GRXCR1: variants seen among roughly 807,000 people sequenced by gnomAD.
GRXCR1 encodes glutaredoxin domain-containing cysteine-rich protein 1.
A neutral mutation model predicts 27.3 loss-of-function variants in GRXCR1; 27 were observed. That is an observed-to-expected ratio of 0.99 (90% CI 0.73 to 1.37). GRXCR1 has a LOEUF of 1.37. GRXCR1 is among the 40% of genes most tolerant of loss of function. GRXCR1 has a pLI of 0.00. For missense variants in GRXCR1, 379 were observed against 354.4 expected, an observed-to-expected ratio of 1.07 and a Z score of -0.56; for synonymous variants, 122 against 131.1, an observed-to-expected ratio of 0.93 and a Z score of 0.47.
chr4:42,981,371 C>G (rs976982248), intron 2 of GRXCR1, among the ~76,000 whole-genome samples: 5 of 152,050 alleles, frequency 3.3e-5, no homozygotes, highest in African/African-American at 9.7e-5. Flanking sequence ...TTTGATGTTT[C>G]AGTTTGTCTT....
chr4:43,014,333 G>T (rs1181451524), intron 2 of GRXCR1, among the ~76,000 whole-genome samples: 1 of 152,048 alleles, frequency 6.6e-6, no homozygotes, highest in African/African-American at 2.4e-5. Flanking sequence ...GGGCTCAGGT[G>T]GCCCATCTCC....
intron 2 of GRXCR1, among the ~76,000 whole-genome samples, chr4:42,985,258 A>G (rs1176138222): frequency 3.9e-5 from 6 of 152,236 alleles, no homozygotes; most frequent in Admixed American, 3.9e-4. Flanking sequence ...ATTTAAAATT[A>G]AATGTAAACC....
intron 1 of GRXCR1, among the ~76,000 whole-genome samples, chr4:42,936,741 G>C (rs1241981971): frequency 2.0e-5 from 3 of 151,766 alleles, no homozygotes; most frequent in Non-Finnish European, 4.4e-5. Context: ...GAGAGTGCTG[G>C]TCAGGTTTTT....
intron 1 of GRXCR1, among the ~76,000 whole-genome samples, chr4:42,930,479 G>C (rs1028646156): frequency 2.0e-5 from 3 of 151,932 alleles, no homozygotes; most frequent in Non-Finnish European, 4.4e-5. Context: ...CAAAATCTCT[G>C]TGTTTCCTAT....
At chr4:42,992,776 T>C (rs1410927689) in intron 2 of GRXCR1, among the ~76,000 whole-genome samples, 2 of 152,122 alleles carry the variant, frequency 1.3e-5, no homozygotes, top group African/African-American at 2.4e-5. Context: ...ATGATAAAAT[T>C]AGCATATTTG....
At chr4:42,919,065 T>TA (rs1329977234) in intron 1 of GRXCR1, among the ~76,000 whole-genome samples, 4 of 152,132 alleles carry the variant, frequency 2.6e-5, no homozygotes, top group Non-Finnish European at 5.9e-5. Context: ...TACTTTGGGT[T>TA]AAAAAAACCT....
At chr4:42,908,164 T>G (rs999534358) in intron 1 of GRXCR1, among the ~76,000 whole-genome samples, 3 of 152,222 alleles carry the variant, frequency 2.0e-5, no homozygotes, top group Non-Finnish European at 2.9e-5. Context: ...CTGTTTGTAT[T>G]GCTCACTTGA....
chr4:43,016,744 T>C (rs1712944157), intron 2 of GRXCR1, among the ~76,000 whole-genome samples: 1 of 152,134 alleles, frequency 6.6e-6, no homozygotes, highest in Non-Finnish European at 1.5e-5. Flanking sequence ...GTTGAATGAA[T>C]GGATAAATGC....
chr4:43,017,292 A>G (rs961457857), intron 2 of GRXCR1, among the ~76,000 whole-genome samples: 2 of 152,062 alleles, frequency 1.3e-5, no homozygotes, highest in East Asian at 3.9e-4. Flanking sequence ...TCTCTGTACC[A>G]TTTTTCAATA....
intron 1 of GRXCR1, among the ~76,000 whole-genome samples, chr4:42,933,890 G>C (rs1747391478): frequency 6.6e-6 from 1 of 151,854 alleles, no homozygotes; most frequent in African/African-American, 2.4e-5. Context: ...AGAAGGAGGA[G>C]CTGATGTTCT....
chr4:43,013,461 T>C (rs1350109442), intron 2 of GRXCR1, among the ~76,000 whole-genome samples: 2 of 151,960 alleles, frequency 1.3e-5, no homozygotes, highest in Non-Finnish European at 2.9e-5. Flanking sequence ...ATGGCAACAA[T>C]AGACAACTGG....
chr4:42,932,621 GA>G (rs1560654376), intron 1 of GRXCR1, among the ~76,000 whole-genome samples: 1 of 22,116 alleles, frequency 4.5e-5, no homozygotes, highest in Non-Finnish European at 8.3e-5. Flanking sequence ...TATATATATA[GA>G]GAGAGAGAGA....
intron 3 of GRXCR1, among the ~76,000 whole-genome samples, chr4:43,029,215 T>C (rs990553958): frequency 6.6e-6 from 1 of 152,206 alleles, no homozygotes; most frequent in African/African-American, 2.4e-5. Context: ...AAACTCAGTT[T>C]ATCAGGTTTC....
chr4:43,010,220 G>A (rs1285959773), intron 2 of GRXCR1, among the ~76,000 whole-genome samples: 1 of 152,058 alleles, frequency 6.6e-6, no homozygotes, highest in Non-Finnish European at 1.5e-5. Context: ...TGGCTAACAT[G>A]GTGAAACCCT....
intron 1 of GRXCR1, among the ~76,000 whole-genome samples, chr4:42,905,451 C>G (rs574352183): frequency 6.6e-6 from 1 of 152,312 alleles, no homozygotes; most frequent in South Asian, 2.1e-4. Flanking sequence ...TGCTATGAGC[C>G]ACACGGTGGA....
intron 1 of GRXCR1, among the ~76,000 whole-genome samples, chr4:42,934,004 G>C (rs1747396326): frequency 6.6e-6 from 1 of 151,848 alleles, no homozygotes; most frequent in South Asian, 2.1e-4. Flanking sequence ...CCTGGAGCAG[G>C]AGAAAACTTG....
chr4:42,962,754 AAAGGT>A, intron 1 of GRXCR1, 133 bp from the exon 2 acceptor site: 1 of 891,530 alleles, frequency 1.1e-6, no homozygotes, highest in Non-Finnish European at 1.9e-6. Flanking sequence ...TGTAACTTAA[AAAGGT>A]AAGTCTTTGA....
At chr4:42,904,601 T>C (rs1180759654) in intron 1 of GRXCR1, among the ~76,000 whole-genome samples, 4 of 152,144 alleles carry the variant, frequency 2.6e-5, no homozygotes, top group African/African-American at 9.7e-5. Flanking sequence ...ATTGGTCAAA[T>C]GGGGATAATG....
chr4:42,974,136 A>G (rs1209658984), intron 2 of GRXCR1, among the ~76,000 whole-genome samples: 1 of 152,060 alleles, frequency 6.6e-6, no homozygotes, highest in Non-Finnish European at 1.5e-5. Flanking sequence ...GGGGATGAAA[A>G]AAGACTCTCA....
Sources: allele counts gnomAD v4.1 joint callset (sites outside exome capture counted in the v4.1 genomes callset), GRCh38; gene constraint gnomAD v4.1.1; transcripts MANE v1.5; gene names NCBI Gene and HGNC (gene_info 2026-07-23, HGNC 2026-07-21).